GTPBP1: variants seen among roughly 807,000 people sequenced by gnomAD.
The protein encoded by GTPBP1 is GTP binding protein 1.
GTPBP1 carries 23 observed loss-of-function variants against 62.0 expected under a neutral mutation model. The ratio of observed to expected loss-of-function variants is 0.37; its 90% CI spans 0.27 to 0.53. The LOEUF is 0.53. Ranked by LOEUF, GTPBP1 falls within the 20% of genes least tolerant of loss-of-function variation. The pLI, the probability that GTPBP1 is intolerant of heterozygous loss-of-function variation, is 0.89. For synonymous variants in GTPBP1, 344 were observed against 364.4 expected, an observed-to-expected ratio of 0.94 and a Z score of 0.64; for missense variants, 640 against 917.3, an observed-to-expected ratio of 0.70 and a Z score of 3.90.
At chr22:38,723,296 G>A in intron 5 of GTPBP1, 1 of 876,680 alleles carries the variant, frequency 1.1e-6, no homozygotes, top group Non-Finnish European at 2.0e-6. Flanking sequence ...CTTAAAATAG[G>A]GTGCATGCTG....
At chr22:38,736,270 G>T (rs917841252), downstream of GTPBP1, 4 of 1,612,430 alleles carry the variant, frequency 2.5e-6, no homozygotes, top group Admixed American at 1.7e-5. Context: ...AGCAGGGCTA[G>T]TGGGCGGGCT....
In GTPBP1 at chr22:38,730,768, T is replaced by C. The variant is rs2092753901; in HGVS notation, c.*64T>C. 1.1e-6 allele frequency: 1 copy of C among 897,892 alleles called. No individual in the cohort carries two copies. The highest frequency in any genetic ancestry group is 1.7e-5 in the African/African-American group (1 of 60,184). 55.6% of individuals were successfully genotyped at this position (897,892 alleles called of 1,614,324 possible). On this transcript the variant is annotated 3_prime_UTR_variant, in exon 12 of 12. Coordinates refer to ENST00000216044, the MANE Select transcript of GTPBP1 (RefSeq NM_004286.5). This position sits in a 1 kb window ranked among gnomAD's most constrained non-coding sequence, Gnocchi z 5.6. ...CATCTCTGGCCACCACTCCACCAGA[T>C]GGGCAGAGCAGCTATGACCGCCACC...
At chr22:38,738,592 T>C (rs1216450168), downstream of GTPBP1, 3 of 1,612,502 alleles carry the variant, frequency 1.9e-6, no homozygotes, top group East Asian at 6.7e-5. The surrounding 1 kb of genome is among the most constrained non-coding windows in gnomAD (Gnocchi z 6.6). Flanking sequence ...CTCACAAAGA[T>C]GGCGAAGTCC....
Position 38,716,334 on chromosome 22 carries a change from C to T in GTPBP1, c.485+247C>T. 1 of 586,038 alleles carries T rather than the reference C, an allele frequency of 1.7e-6. No homozygotes were observed. The highest frequency in any genetic ancestry group is 2.1e-5 in the South Asian group (1 of 47,556). 36.3% of individuals were successfully genotyped at this position (586,038 alleles called of 1,614,324 possible). On this transcript the variant is annotated intron_variant, in intron 3 of 11. Coordinates refer to ENST00000216044, the MANE Select transcript of GTPBP1 (RefSeq NM_004286.5). The surrounding 1 kb of genome is among the most constrained non-coding windows in gnomAD (Gnocchi z 5.2). The stretch of plus-strand genomic sequence containing the variant: ...TGGGTGTGTTTCTTTTCCCTTCAGC[C>T]TGTGAGCCTGGAAACCAGGGTCATG...
intron 4 of GTPBP1, among the ~76,000 whole-genome samples, chr22:38,719,015 T>A (rs1358654847): frequency 6.6e-6 from 1 of 151,808 alleles, no homozygotes; most frequent in East Asian, 1.9e-4. Flanking sequence ...TTATTTTAAT[T>A]TTTTTTTTGA....
chr22:38,715,361 C>T (rs1001033527), intron 2 of GTPBP1, among the ~76,000 whole-genome samples: 1 of 152,214 alleles, frequency 6.6e-6, no homozygotes, highest in African/African-American at 2.4e-5. Context: ...CACTGAGCTG[C>T]TTCCTGGTCC....
chr22:38,739,992 A>G, downstream of GTPBP1: 3 of 1,575,972 alleles, frequency 1.9e-6, no homozygotes, highest in South Asian at 3.3e-5. This position sits in a 1 kb window ranked among gnomAD's most constrained non-coding sequence, Gnocchi z 6.7. Context: ...CAGGGACAGC[A>G]GGAGCTGCTA....
downstream of GTPBP1, among the ~76,000 whole-genome samples, chr22:38,737,370 C>T (rs1361250258): frequency 6.6e-6 from 1 of 152,128 alleles, no homozygotes; most frequent in Non-Finnish European, 1.5e-5. This position sits in a 1 kb window ranked among gnomAD's most constrained non-coding sequence, Gnocchi z 4.1. Flanking sequence ...CTCCCTGCTA[C>T]GTCTTTGTCC....
downstream of GTPBP1, chr22:38,740,072 G>C: frequency 3.2e-6 from 4 of 1,255,352 alleles, no homozygotes; most frequent in Non-Finnish European, 4.4e-6. This position sits in a 1 kb window ranked among gnomAD's most constrained non-coding sequence, Gnocchi z 4.8. Flanking sequence ...AAAGAGTTAT[G>C]AACACTCCAT....
downstream of GTPBP1, chr22:38,736,620 C>T: frequency 1.3e-5 from 5 of 373,850 alleles, no homozygotes; most frequent in South Asian, 2.4e-4. Flanking sequence ...TGAATTCATC[C>T]ACAATCGTTT....
rs373810274 is a variant in GTPBP1 at position 38,717,039 on chromosome 22, G to C, written c.834+39G>C. 1.9e-4 allele frequency: 238 copies of C among 1,254,786 alleles called. 1 individual carries two copies. The African/African-American group carries it at 3.2e-3, about 17-fold the overall frequency. 77.7% of individuals were successfully genotyped at this position (1,254,786 alleles called of 1,614,324 possible). Reference sequence around the variant, plus strand: ...GCCCCAAGGAGGGGAGGCGTCAGCAGGGCTGCTTGGGTCTGGTTATGTGCA... The same window carrying C: ...GCCCCAAGGAGGGGAGGCGTCAGCACGGCTGCTTGGGTCTGGTTATGTGCA... On this transcript the variant is annotated intron_variant, in intron 4 of 11. Coordinates refer to ENST00000216044, the MANE Select transcript of GTPBP1 (RefSeq NM_004286.5).
downstream of GTPBP1, among the ~76,000 whole-genome samples, chr22:38,737,573 T>G (rs374366992): frequency 6.6e-6 from 1 of 152,158 alleles, no homozygotes; most frequent in East Asian, 1.9e-4. This position sits in a 1 kb window ranked among gnomAD's most constrained non-coding sequence, Gnocchi z 4.1. Flanking sequence ...CCTGCCTCTC[T>G]GTGGCCTCCT....
downstream of GTPBP1, chr22:38,741,173 C>T (rs1164988729): frequency 9.0e-7 from 1 of 1,115,386 alleles, no homozygotes; most frequent in Non-Finnish European, 1.3e-6. Context: ...CTCTTGACCC[C>T]TGCAGCAAAA....
At chr22:38,742,454 C>T (rs1189059505), downstream of GTPBP1, 2 of 1,613,692 alleles carry the variant, frequency 1.2e-6, no homozygotes, top group East Asian at 2.2e-5. Context: ...CCAGACGTTC[C>T]AGCCGCATGG....
intron 5 of GTPBP1, chr22:38,723,082 G>C (rs759739479): frequency 1.3e-6 from 1 of 772,314 alleles, no homozygotes; most frequent in Non-Finnish European, 2.4e-6. Context: ...TATTTATCCA[G>C]GCAAGATGAC....
At chr22:38,720,769 C>T (rs1881349916) in intron 4 of GTPBP1, among the ~76,000 whole-genome samples, 1 of 152,152 alleles carries the variant, frequency 6.6e-6, no homozygotes, top group African/African-American at 2.4e-5. Context: ...ACACCTAGTT[C>T]CTGCTAGTTG....
At chr22:38,738,011 T>G, downstream of GTPBP1, 2 of 735,502 alleles carry the variant, frequency 2.7e-6, no homozygotes, top group Middle Eastern at 4.5e-4. The surrounding 1 kb of genome is among the most constrained non-coding windows in gnomAD (Gnocchi z 6.6). Flanking sequence ...GTCTGCAGGA[T>G]GCGTGTTACA....
chr22:38,706,353 G>T (rs2092604402), intron 1 of GTPBP1, among the ~76,000 whole-genome samples: 1 of 152,188 alleles, frequency 6.6e-6, no homozygotes, highest in Non-Finnish European at 1.5e-5. Context: ...CACCCACCTT[G>T]GCTCCCCCGC....
chr22:38,729,493 A>T lies in GTPBP1; in HGVS notation c.1748A>T (p.Asn583Ile). 1 of 1,607,458 alleles carries T rather than the reference A, an allele frequency of 6.2e-7. No homozygotes were observed. Among genetic ancestry groups the T allele is most frequent in the Non-Finnish European group, 8.5e-7 (1 of 1,177,312 alleles). ...CAGACCACCAACAACTCCCCAATGA[A>T]CTCCAAGCCGCAGCAGATTAAAATG... ...LLQTTNNSPM[N>I]SKPQQIKMQS... The change falls in exon 11 of 12, where the codon AAC becomes ATC. Residue 583 changes from asparagine to isoleucine, a missense_variant. By Grantham distance (149) the Asn-to-Ile change is moderately radical. Around this residue, in one of 4 missense-constraint regions of GTPBP1, gnomAD observed 220 missense variants for 358.1 expected, o/e 0.61. Transcript: ENST00000216044.
Sources: allele counts gnomAD v4.1 joint callset (sites outside exome capture counted in the v4.1 genomes callset), GRCh38; gene constraint gnomAD v4.1.1; regional missense constraint gnomAD v4.1.1; non-coding constraint Gnocchi (gnomAD v3.1); transcripts MANE v1.5; gene names NCBI Gene and HGNC (gene_info 2026-07-23, HGNC 2026-07-21).